The following IARS2 variants were observed in gnomAD, a reference collection of about 807,000 sequenced individuals.
IARS2 encodes the protein isoleucyl-tRNA synthetase 2, mitochondrial.
Under a neutral mutation model 126.3 loss-of-function variants are expected in IARS2, and 56 were observed. The observed-to-expected ratio is 0.44, with a 90% CI of 0.36 to 0.55. The LOEUF is 0.55. Ranked by LOEUF, IARS2 falls within the 20% of genes least tolerant of loss-of-function variation. The probability of loss-of-function intolerance (pLI) is 0.00; values close to 1 mark genes in which losing one functional copy is unlikely to be tolerated. For missense variants in IARS2, 1,127 were observed against 1,245.9 expected, an observed-to-expected ratio of 0.90 and a Z score of 1.44; for synonymous variants, 407 against 441.1, an observed-to-expected ratio of 0.92 and a Z score of 0.97.
chr1:220,103,304 T>C, intron 7 of IARS2, 143 bp from the exon 8 acceptor site: 1 of 567,052 alleles, frequency 1.8e-6, no homozygotes, highest in South Asian at 2.4e-5. Flanking sequence ...TGCCTTGGCC[T>C]CCCAAAGTGC....
At chr1:220,139,204 A>G in intron 18 of IARS2, 65 bp downstream of exon 18, 1 of 1,392,192 alleles carries the variant, frequency 7.2e-7, no homozygotes, top group African/African-American at 1.4e-5. Context: ...TTAAAATTTT[A>G]GTTTTATCTG....
At position 220,096,094 on chromosome 1, in the gene IARS2, TTTA is replaced by T. The variant is rs1442854182; in HGVS notation, c.268-9_268-7del. On this transcript the variant is annotated splice_region_variant and splice_polypyrimidine_tract_variant and intron_variant, in intron 1 of 22. Transcript: ENST00000366922. ...ATGATGTTTAGATATCTTTTTTTTT[TTTA>T]AAACAGAAATGTGGATTTTCAGAAC... The T allele has an allele frequency of 1.4e-6, 2 of 1,397,734 alleles. No homozygotes were observed. Among genetic ancestry groups the T allele is most frequent in the Non-Finnish European group, 2.0e-6 (2 of 1,003,802 alleles). 86.6% of individuals were successfully genotyped at this position (1,397,734 alleles called of 1,614,324 possible).
At chr1:220,117,184 C>CTTTTTTTTTTTT (rs1192537887) in intron 12 of IARS2, among the ~76,000 whole-genome samples, 3 of 48,466 alleles carry the variant, frequency 6.2e-5, no homozygotes, top group African/African-American at 8.5e-5. Flanking sequence ...GTCTCCTCTT[C>CTTTTTTTTTTTT]TTTTTTTTTT....
intron 17 of IARS2, 37 bp from the exon 18 acceptor site, chr1:220,138,971 A>AT (rs1213708970): frequency 1.9e-6 from 3 of 1,585,108 alleles, no homozygotes; most frequent in African/African-American, 1.4e-5. Context: ...GCACCATTAG[A>AT]TTTTTTTAAC....
Position 220,102,436 on chromosome 1 carries a change from T to G in IARS2, c.749+24T>G, listed in dbSNP as rs201539020. On this transcript the variant is annotated intron_variant, in intron 5 of 22. Coordinates refer to ENST00000366922, the MANE Select transcript of IARS2 (RefSeq NM_018060.4). ...AGGTATATATGCATTTTTCGGTAAT[T>G]AAAAGGGAGAAATTTGTGAGGCTTC... 6.2e-6 allele frequency: 10 copies of G among 1,612,568 alleles called. No homozygotes were observed. The African/African-American group carries it at 1.2e-4, about 19-fold the overall frequency.
At position 220,104,948 on chromosome 1, in the gene IARS2, A is replaced by G. The variant is rs544362061; in HGVS notation, c.1067-943A>G. Among the ~76,000 whole-genome samples, 35 of 152,332 alleles carry G rather than the reference A, an allele frequency of 2.3e-4. No homozygotes were observed. In the South Asian group the frequency reaches 7.2e-3, roughly 32 times the overall value. On this transcript the variant is annotated intron_variant, in intron 8 of 22. Transcript: ENST00000366922. ...GAAAGACTGCCTAGCTAAATAGGAAAGCCCTCTAAATTAATCAGTTCAGAT... is the reference window on the plus strand; with the variant it reads ...GAAAGACTGCCTAGCTAAATAGGAAGGCCCTCTAAATTAATCAGTTCAGAT...
chr1:220,140,103 G>A, intron 18 of IARS2, 80 bp from the exon 19 acceptor site: 1 of 764,128 alleles, frequency 1.3e-6, no homozygotes. Flanking sequence ...ATTTTTGAAA[G>A]GAGCATATTT....
intron 12 of IARS2, among the ~76,000 whole-genome samples, chr1:220,120,324 C>T (rs1030707465): frequency 2.7e-5 from 4 of 150,870 alleles, no homozygotes; most frequent in East Asian, 1.9e-4. Context: ...TCAGGTGATC[C>T]GCCCGCCTCG....
chr1:220,140,672 AGTGTTGTGCAGTTATTAAGATTGG>A (rs1657470161), intron 19 of IARS2, among the ~76,000 whole-genome samples: 1 of 150,020 alleles, frequency 6.7e-6, no homozygotes, highest in Non-Finnish European at 1.5e-5. Context: ...CAAGATGGGC[AGTGTTGTGCAGTTATTAAGATTGG>A]GTTCCGGGCC....
chr1:220,118,086 T>C, intron 12 of IARS2: 3 of 440,282 alleles, frequency 6.8e-6, no homozygotes, highest in Non-Finnish European at 4.6e-6. Context: ...TTTTTTCTGC[T>C]GGAATCAAAT....
intron 15 of IARS2, among the ~76,000 whole-genome samples, chr1:220,135,368 CT>C (rs869128311): frequency 2.7e-5 from 4 of 148,866 alleles, no homozygotes; most frequent in South Asian, 2.1e-4. Context: ...TCACATGTTT[CT>C]TTTTTTTTTG....
rs148779891 is a variant in IARS2 at position 220,147,089 on chromosome 1, C to T, written c.2897-404C>T. Reference sequence around the variant, plus strand: ...GATATTTTTGGTTCCTTTTGTCCCACGAGATATTTTGAGTGAGGACACTGT... The same window carrying T: ...GATATTTTTGGTTCCTTTTGTCCCATGAGATATTTTGAGTGAGGACACTGT... On this transcript the variant is annotated intron_variant, in intron 22 of 22. Coordinates refer to ENST00000366922, the MANE Select transcript of IARS2 (RefSeq NM_018060.4). Among the ~76,000 whole-genome samples, 632 of 152,284 alleles carry T rather than the reference C, an allele frequency of 4.2e-3. 18 individuals are homozygous for T. Among genetic ancestry groups the T allele is most frequent in the Admixed American group, 0.029 (449 of 15,306 alleles).
rs78770848 is a variant in IARS2, at chr1:220,125,322, A to G, written c.1726A>G (p.Lys576Glu). 0.015 allele frequency: 24,267 copies of G among 1,609,436 alleles called. 422 individuals are homozygous for G. The highest frequency in any genetic ancestry group is 0.079 in the African/African-American group (5,914 of 74,892). ...WTLPPEQLLP[K>E]EVLSEVGGPD... ...TCTTCCCCCTGAACAACTTCTTCCAAAAGAAGTCTTATCTGAGGTAAATTT... is the reference window on the plus strand; with the variant it reads ...TCTTCCCCCTGAACAACTTCTTCCAGAAGAAGTCTTATCTGAGGTAAATTT... Residue 576 changes from lysine (K) to glutamate (E), a missense_variant, in exon 13 of 23, where the codon AAA becomes GAA. Transcript: ENST00000366922.
At chr1:220,097,654 C>T (rs374250117) in intron 2 of IARS2, among the ~76,000 whole-genome samples, 2 of 152,090 alleles carry the variant, frequency 1.3e-5, no homozygotes, top group South Asian at 2.1e-4. Flanking sequence ...TGAGCCACCA[C>T]GTCTGGCCCC....
chr1:220,127,193 A>G (rs779908326), intron 14 of IARS2, among the ~76,000 whole-genome samples: 22 of 152,172 alleles, frequency 1.4e-4, no homozygotes, highest in Non-Finnish European at 2.9e-4. Context: ...TGACCCCATA[A>G]TTTTTCAGAA....
Position 220,102,273 on chromosome 1 carries a change from A to G in IARS2, c.695A>G (p.Asp232Gly). The G allele has an allele frequency of 6.2e-7, 1 of 1,607,148 alleles. No homozygotes were observed. Among genetic ancestry groups the G allele is most frequent in the Non-Finnish European group, 8.5e-7 (1 of 1,178,350 alleles). Residue 232 changes from aspartate (D) to glycine (G), a missense_variant, in exon 4 of 23, where the codon GAT becomes GGT. Asp to Gly is a moderately conservative substitution (Grantham distance 94, BLOSUM62 -1). Transcript: ENST00000366922. ...KQLRTFYQMY[D>G]KGLVYRSYKP... Reference sequence around the variant, plus strand: ...TTGAGAACTTTTTACCAAATGTATGATAAGGTAAAGAAGTATTTTTTCTCT... The same window carrying G: ...TTGAGAACTTTTTACCAAATGTATGGTAAGGTAAAGAAGTATTTTTTCTCT...
In IARS2 at chr1:220,140,301, T is replaced by A; in HGVS notation, c.2414+12T>A. ...ATAATCAAAGATAGGTATGTATGAC[T>A]AAATATTAAAATGCTTAACAATGGC... On this transcript the variant is annotated intron_variant, in intron 19 of 22. Coordinates refer to ENST00000366922, the MANE Select transcript of IARS2 (RefSeq NM_018060.4). The A allele has an allele frequency of 6.9e-7, 1 of 1,456,438 alleles. No individual in the cohort carries two copies. The highest frequency in any genetic ancestry group is 1.4e-5 in the African/African-American group (1 of 71,780). 90.2% of individuals were successfully genotyped at this position (1,456,438 alleles called of 1,614,324 possible).
chr1:220,141,936 C>G lies in IARS2; in HGVS notation c.2548C>G (p.Pro850Ala). 5 of 1,613,496 alleles carry G rather than the reference C, an allele frequency of 3.1e-6. No individual in the cohort carries two copies. The highest frequency in any genetic ancestry group is 4.2e-6 in the Non-Finnish European group (5 of 1,179,804). Residue 850 changes from proline to alanine, a missense_variant, in exon 20 of 23, where the codon CCT (proline) becomes GCT (alanine). By Grantham distance (27) the Pro-to-Ala change is conservative (BLOSUM62 -1). Coordinates refer to ENST00000366922, the MANE Select transcript of IARS2 (RefSeq NM_018060.4). ...HLAEEVFQHI[P>A]YIKEPKSVFR... ...GGCTGAAGAGGTGTTCCAGCACATA[C>G]CTTATATTAAAGGTAAGGAATACTT...
intron 21 of IARS2, chr1:220,143,947 G>C: frequency 1.6e-6 from 2 of 1,225,296 alleles, no homozygotes; most frequent in African/African-American, 1.5e-5. Flanking sequence ...GTAAATATAT[G>C]TATTACATCC....
Sources: gnomAD v4.1 joint callset for allele counts (sites outside exome capture counted in the v4.1 genomes callset) on GRCh38, gnomAD v4.1.1 for gene constraint, MANE v1.5 for transcripts, NCBI Gene and HGNC (gene_info 2026-07-23, HGNC 2026-07-21) for gene names.